The following CD8B variants were observed in gnomAD, a reference collection of about 807,000 sequenced individuals.
CD8B encodes the protein T-cell surface glycoprotein CD8 beta chain.
Under a neutral mutation model 24.2 loss-of-function variants are expected in CD8B, and 6 were observed. The observed-to-expected ratio is 0.25, with a 90% CI of 0.14 to 0.49. The LOEUF (loss-of-function observed/expected upper bound fraction) is 0.49. Among genes scored for constraint, CD8B ranks in the 20% least tolerant of loss-of-function variants. The probability of loss-of-function intolerance (pLI) is 0.98; values close to 1 mark genes in which losing one functional copy is unlikely to be tolerated. For synonymous variants in CD8B, 84 were observed against 108.3 expected (o/e 0.78, Z 1.39); for missense variants, 196 against 271.3 (o/e 0.72, Z 1.95).
In CD8B at chr2:86,840,524, C is replaced by T. The variant is rs1317788442; in HGVS notation, c.*1783G>A. Reference sequence around the variant, plus strand: ...TCAATTCACCTCAGCCTTTCATTAGCCATGGACCAAATCCTTCACCCAGAT... The same window carrying T: ...TCAATTCACCTCAGCCTTTCATTAGTCATGGACCAAATCCTTCACCCAGAT... On this transcript the variant is annotated 3_prime_UTR_variant, in exon 6 of 6. Coordinates refer to ENST00000390655, the MANE Select transcript of CD8B (RefSeq NM_004931.5). Among the ~76,000 whole-genome samples, 1 of 152,178 alleles carries T rather than the reference C, an allele frequency of 6.6e-6. No individual in the cohort carries two copies. The highest frequency in any genetic ancestry group is 1.5e-5 in the Non-Finnish European group (1 of 68,030).
chr2:86,824,018 G>A (rs189023902), intron 5 of CD8B, among the ~76,000 whole-genome samples: 1 of 151,506 alleles, frequency 6.6e-6, no homozygotes, highest in Admixed American at 6.6e-5. Context: ...TATGCTGGGG[G>A]ACACGCAGGG....
downstream of CD8B, chr2:86,815,490 TG>T: frequency 5.5e-6 from 4 of 722,228 alleles, no homozygotes; most frequent in East Asian, 2.5e-5. Context: ...CCCTATGACT[TG>T]GGGGGTTGAT....
chr2:86,836,076 C>T (rs1382369041), downstream of CD8B, among the ~76,000 whole-genome samples: 1 of 151,214 alleles, frequency 6.6e-6, no homozygotes. Context: ...GCAGAGTAAA[C>T]ATCCCGAGTG....
At position 86,842,142 on chromosome 2, in the gene CD8B, C is replaced by A. The variant is rs1467585977; in HGVS notation, c.*165G>T. On this transcript the variant is annotated 3_prime_UTR_variant, in exon 6 of 6. Coordinates refer to ENST00000390655, the MANE Select transcript of CD8B (RefSeq NM_004931.5). ...CGATGACCCACGAACAAGTTGCTCC[C>A]ATGCACATCACACACAGAAAGGCCT... 6.8e-7 allele frequency: 1 copy of A among 1,471,356 alleles called. No individual in the cohort carries two copies. The highest frequency in any genetic ancestry group is 9.0e-7 in the Non-Finnish European group (1 of 1,111,542). 91.1% of individuals were successfully genotyped at this position (1,471,356 alleles called of 1,614,324 possible). A position where few individuals can be genotyped will look rare whatever the true frequency, so the allele number is the denominator to read the frequency against.
Position 86,838,825 on chromosome 2 carries a change from C to T in CD8B, c.*3482G>A, listed in dbSNP as rs1675291174. Among the ~76,000 whole-genome samples the T allele has an allele frequency of 1.3e-5, 2 of 152,196 alleles. No individual in the cohort carries two copies. The highest frequency in any genetic ancestry group is 6.5e-5 in the Admixed American group (1 of 15,288). On this transcript the variant is annotated 3_prime_UTR_variant, in exon 6 of 6. Transcript: ENST00000390655. ...TGCTTGCTGAAGAAACTTCCAAATACCAATTTTACACATTTCTACAATGTT... is the reference window on the plus strand; with the variant it reads ...TGCTTGCTGAAGAAACTTCCAAATATCAATTTTACACATTTCTACAATGTT...
intron 2 of CD8B, among the ~76,000 whole-genome samples, chr2:86,854,327 G>T (rs903043909): frequency 1.3e-5 from 2 of 152,208 alleles, no homozygotes; most frequent in Non-Finnish European, 1.5e-5. Context: ...AGGAGGGGGT[G>T]CCCTTTTCTG....
intron 2 of CD8B, among the ~76,000 whole-genome samples, chr2:86,854,545 G>A (rs1676139000): frequency 6.6e-6 from 1 of 152,168 alleles, no homozygotes; most frequent in East Asian, 1.9e-4. Flanking sequence ...CTGACTCCTG[G>A]ATGGGTCACC....
intron 3 of CD8B, among the ~76,000 whole-genome samples, chr2:86,850,853 G>A (rs569345434): frequency 2.0e-5 from 3 of 152,146 alleles, no homozygotes; most frequent in South Asian, 2.1e-4. Context: ...CACTTTGGGA[G>A]GCCAAGGCAG....
At chr2:86,847,002 T>A (rs954809880) in intron 3 of CD8B, among the ~76,000 whole-genome samples, 3 of 145,818 alleles carry the variant, frequency 2.1e-5, no homozygotes, top group African/African-American at 7.6e-5. Flanking sequence ...CAGTGGTGCA[T>A]TCTCAGCTTA....
chr2:86,825,565 G>T (rs944803161), intron 5 of CD8B, among the ~76,000 whole-genome samples: 1 of 152,202 alleles, frequency 6.6e-6, no homozygotes, highest in Non-Finnish European at 1.5e-5. Context: ...GCCCTGGCAG[G>T]CAGCACCCAG....
At chr2:86,835,994 T>C (rs886705122), downstream of CD8B, among the ~76,000 whole-genome samples, 2 of 151,910 alleles carry the variant, frequency 1.3e-5, no homozygotes, top group African/African-American at 4.8e-5. Flanking sequence ...ATCTTTAGTG[T>C]CTGAAACACA....
At chr2:86,844,561 A>G in intron 5 of CD8B, 5 of 1,255,372 alleles carry the variant, frequency 4.0e-6, no homozygotes, top group South Asian at 1.3e-5. Context: ...TTCTTGAAAT[A>G]CATTTAACTT....
chr2:86,822,627 A>G (rs568650339), intron 5 of CD8B, among the ~76,000 whole-genome samples: 3 of 152,270 alleles, frequency 2.0e-5, no homozygotes, highest in Admixed American at 1.3e-4. Context: ...AAACATTAGA[A>G]GAAAATACAC....
chr2:86,860,268 T>C (rs1293967040), intron 1 of CD8B, among the ~76,000 whole-genome samples: 70 of 152,128 alleles, frequency 4.6e-4, no homozygotes, highest in Non-Finnish European at 7.9e-4. Context: ...AGACTCCATC[T>C]TGGAAAAGAA....
intron 5 of CD8B, among the ~76,000 whole-genome samples, chr2:86,818,540 T>A (rs564244754): frequency 2.2e-4 from 33 of 152,236 alleles, no homozygotes; most frequent in Non-Finnish European, 4.6e-4. Flanking sequence ...TGTAATCAGT[T>A]ATTTTTGATG....
At chr2:86,846,815 T>A (rs1675702477) in intron 3 of CD8B, 42 bp from the exon 4 acceptor site, 1 of 1,392,326 alleles carries the variant, frequency 7.2e-7, no homozygotes, top group Non-Finnish European at 1.0e-6. Flanking sequence ...ACGGAACATT[T>A]TTCTGCATGA....
chr2:86,834,189 T>C (rs1675074159), downstream of CD8B, among the ~76,000 whole-genome samples: 1 of 152,146 alleles, frequency 6.6e-6, no homozygotes, highest in Admixed American at 6.5e-5. Flanking sequence ...TATTAAACAC[T>C]ACTAGATGGT....
Position 86,856,626 on chromosome 2 carries a change from G to A in CD8B, c.403+1431C>T, listed in dbSNP as rs1427515618. 2.0e-5 allele frequency among the ~76,000 whole-genome samples: 3 copies of A among 151,864 alleles called. No individual in the cohort carries two copies. In the East Asian group the frequency reaches 5.8e-4, roughly 30 times the overall value. On this transcript the variant is annotated intron_variant, in intron 2 of 5. Coordinates refer to ENST00000390655, the MANE Select transcript of CD8B (RefSeq NM_004931.5). ...GCTTTTAGTGCCCTCAAGTGAGCAG[G>A]AAGCAGGGCAGTGGGAGCCCTGGAG...
intron 2 of CD8B, among the ~76,000 whole-genome samples, chr2:86,856,820 A>G (rs912353381): frequency 6.7e-6 from 1 of 149,628 alleles, no homozygotes; most frequent in African/African-American, 2.5e-5. Flanking sequence ...TTTTATGTAA[A>G]ATGCTCATCG....
Sources: gnomAD v4.1 joint callset for allele counts (sites outside exome capture counted in the v4.1 genomes callset) on GRCh38, gnomAD v4.1.1 for gene constraint, MANE v1.5 for transcripts, NCBI Gene and HGNC (gene_info 2026-07-23, HGNC 2026-07-21) for gene names.